Variants in APPBP2 observed in about 807,000 individuals in gnomAD.
APPBP2 encodes amyloid protein-binding protein 2.
Under a neutral mutation model 76.0 loss-of-function variants are expected in APPBP2, and 15 were observed. The ratio of observed to expected loss-of-function variants is 0.20; its 90% CI spans 0.13 to 0.30. The LOEUF is 0.30. Ranked by LOEUF, APPBP2 falls within the 10% of genes least tolerant of loss-of-function variation. The pLI, the probability that APPBP2 is intolerant of heterozygous loss-of-function variation, is 1.00. For synonymous variants in APPBP2, 222 were observed against 242.2 expected (o/e 0.92, Z 0.77); for missense variants, 401 against 687.2 (o/e 0.58, Z 4.66).
intron 2 of APPBP2, among the ~76,000 whole-genome samples, chr17:60,499,558 C>T (rs1379314576): frequency 6.6e-6 from 1 of 152,112 alleles, no homozygotes; most frequent in Non-Finnish European, 1.5e-5. Context: ...AATTCAACTT[C>T]TGAGTATATA....
At chr17:60,506,838 C>T (rs2090872147) in intron 1 of APPBP2, among the ~76,000 whole-genome samples, 1 of 152,154 alleles carries the variant, frequency 6.6e-6, no homozygotes, top group Admixed American at 6.5e-5. Flanking sequence ...GAGATCGAGA[C>T]CATCCTGGCC....
chr17:60,469,805 T>A (rs1242940111), intron 4 of APPBP2, among the ~76,000 whole-genome samples: 1 of 152,246 alleles, frequency 6.6e-6, no homozygotes, highest in African/African-American at 2.4e-5. Flanking sequence ...ATTGTTTTTA[T>A]CTTTTGACTT....
intron 4 of APPBP2, among the ~76,000 whole-genome samples, chr17:60,467,912 A>C (rs1172032664): frequency 6.6e-6 from 1 of 152,198 alleles, no homozygotes; most frequent in African/African-American, 2.4e-5. Flanking sequence ...GACTACAGTG[A>C]ATAAAAGATT....
chr17:60,463,127 AT>A (rs1385259070), intron 6 of APPBP2, among the ~76,000 whole-genome samples: 30 of 152,296 alleles, frequency 2.0e-4, no homozygotes, highest in African/African-American at 7.2e-4. Flanking sequence ...GATTTAATAA[AT>A]TTCAGAGAAA....
chr17:60,512,419 A>C (rs1375853331), intron 1 of APPBP2, among the ~76,000 whole-genome samples: 1 of 152,080 alleles, frequency 6.6e-6, no homozygotes, highest in Non-Finnish European at 1.5e-5. Context: ...TGCATATAGA[A>C]AAATTGAATT....
chr17:60,494,723 C>A, intron 2 of APPBP2, 106 bp from the exon 3 acceptor site: 2 of 1,070,444 alleles, frequency 1.9e-6, no homozygotes, highest in Non-Finnish European at 2.6e-6. Flanking sequence ...TTTTCCAGGA[C>A]GGAATAAGAT....
intron 3 of APPBP2, among the ~76,000 whole-genome samples, chr17:60,480,776 A>C (rs1399143682): frequency 6.6e-6 from 1 of 152,188 alleles, no homozygotes; most frequent in East Asian, 1.9e-4. Context: ...AGGACTCTGC[A>C]AACCACATTT....
intron 3 of APPBP2, among the ~76,000 whole-genome samples, chr17:60,481,415 AC>A (rs1567928439): frequency 1.3e-5 from 2 of 152,120 alleles, no homozygotes; most frequent in African/African-American, 4.8e-5. Context: ...ACACAGTGAG[AC>A]CCTGTCTCCT....
chr17:60,516,973 AAAAC>A (rs573619158), intron 1 of APPBP2, among the ~76,000 whole-genome samples: 23 of 152,150 alleles, frequency 1.5e-4, no homozygotes, highest in African/African-American at 3.4e-4. Context: ...TTCTCTTCAA[AAAAC>A]AAACAAACAA....
At chr17:60,460,896 T>C (rs1021779274) in intron 8 of APPBP2, 109 bp from the exon 9 acceptor site, 2 of 1,126,274 alleles carry the variant, frequency 1.8e-6, no homozygotes, top group African/African-American at 1.6e-5. Context: ...CCATAAAATT[T>C]TGAAGCCCAG....
chr17:60,500,309 C>T, intron 2 of APPBP2, 90 bp downstream of exon 2: 1 of 907,586 alleles, frequency 1.1e-6, no homozygotes, highest in Non-Finnish European at 1.7e-6. Flanking sequence ...ACCCAGCCCA[C>T]AATGTGAATA....
Position 60,454,395 on chromosome 17 carries a change from T to C in APPBP2, c.1245A>G (p.Gln415=). ...ATTCCCCAAAAGCTTTTTTAGCTAG[T>C]TGGAGTGAAGACAGGTGCAAATCAT... ...EAHDLHLSSL[Q]LAKKAFGEFN... The change falls in exon 11 of 13, where the codon CAA becomes CAG. Residue 415 remains glutamine (Q), a synonymous_variant. Coordinates refer to ENST00000083182, the MANE Select transcript of APPBP2 (RefSeq NM_006380.5). 6.2e-7 allele frequency: 1 copy of C among 1,613,076 alleles called. No individual in the cohort carries two copies. The highest frequency in any genetic ancestry group is 8.5e-7 in the Non-Finnish European group (1 of 1,179,442).
intron 9 of APPBP2, chr17:60,459,593 A>G (rs2090461413): frequency 6.7e-6 from 1 of 150,308 alleles, no homozygotes; most frequent in Non-Finnish European, 1.5e-5. Flanking sequence ...CTTGGGTTCA[A>G]GCAATTGTCT....
chr17:60,494,714 TTTCCAGGACGGAATAAGA>T, intron 2 of APPBP2, 97 bp from the exon 3 acceptor site: 1 of 1,126,348 alleles, frequency 8.9e-7, no homozygotes, highest in Non-Finnish European at 1.2e-6. Context: ...GCACCATTAT[TTTCCAGGACGGAATAAGA>T]TAAAAAGCAT....
At position 60,454,423 on chromosome 17, in the gene APPBP2, G is replaced by A; in HGVS notation, c.1217C>T (p.Ala406Val). The A allele has an allele frequency of 6.2e-7, 1 of 1,612,124 alleles. No individual in the cohort carries two copies. The highest frequency in any genetic ancestry group is 8.5e-7 in the Non-Finnish European group (1 of 1,179,102). Residue 406 changes from alanine (A) to valine (V), a missense_variant, in exon 11 of 13, where the codon GCT becomes GTT. Coordinates refer to ENST00000083182, the MANE Select transcript of APPBP2 (RefSeq NM_006380.5). ...KETEQRLLQE[A>V]HDLHLSSLQL... ...GAGTGAAGACAGGTGCAAATCATGA[G>A]CTTCTTGAAGCAGCCTCTGTTCAGT... is the stretch of plus-strand genomic sequence containing the variant.
intron 2 of APPBP2, among the ~76,000 whole-genome samples, chr17:60,495,439 A>ATTATTTATTTAT (rs57497934): frequency 1.0e-4 from 14 of 136,612 alleles, no homozygotes; most frequent in Non-Finnish European, 6.1e-5. Context: ...TTATTTATTT[A>ATTATTTATTTAT]TTATTTATTT....
chr17:60,501,880 T>C (rs1049664501), intron 1 of APPBP2, among the ~76,000 whole-genome samples: 2 of 152,074 alleles, frequency 1.3e-5, no homozygotes, highest in African/African-American at 4.8e-5. Context: ...ATTAGGTAAA[T>C]ATATTAATCC....
intron 1 of APPBP2, among the ~76,000 whole-genome samples, chr17:60,516,600 A>G (rs2090966105): frequency 1.3e-5 from 2 of 152,156 alleles, no homozygotes; most frequent in South Asian, 2.1e-4. Context: ...TGACTATCCC[A>G]CTATTTATTA....
chr17:60,506,957 A>G (rs2090872968), intron 1 of APPBP2, among the ~76,000 whole-genome samples: 2 of 152,112 alleles, frequency 1.3e-5, no homozygotes, highest in Admixed American at 1.3e-4. Context: ...AATCTCTTGA[A>G]CCTGGGAGGC....
Sources: allele counts gnomAD v4.1 joint callset (sites outside exome capture counted in the v4.1 genomes callset), GRCh38; gene constraint gnomAD v4.1.1; transcripts MANE v1.5; gene names NCBI Gene and HGNC (gene_info 2026-07-23, HGNC 2026-07-21).